Variants in KRABD1 observed in about 807,000 individuals in gnomAD.
KRABD1 encodes the protein KRAB domain containing 1, also known as KRAB domain-containing protein 1.
chr3:42,939,550 A>G, the KRABD1 span, among the ~76,000 whole-genome samples: 1 of 152,150 alleles, frequency 6.6e-6, no homozygotes, highest in Admixed American at 6.6e-5. Context: ...GTGGACATAG[A>G]TGCTTCTTTC....
At chr3:42,942,001 A>G in the KRABD1 span, 1 of 1,536,040 alleles carries the variant, frequency 6.5e-7, no homozygotes. Flanking sequence ...ATCTGGAGCA[A>G]GGGAAAGAGT....
chr3:42,942,594 G>C, the KRABD1 span: 18 of 1,451,350 alleles, frequency 1.2e-5, no homozygotes, highest in Non-Finnish European at 1.6e-5. Flanking sequence ...ACGTAGAATA[G>C]TATCAAAAAT....
At chr3:42,939,722 A>C in the KRABD1 span, among the ~76,000 whole-genome samples, 1 of 151,748 alleles carries the variant, frequency 6.6e-6, no homozygotes, top group Non-Finnish European at 1.5e-5. Context: ...ACTTGTTGTC[A>C]CTCGTTTGCA....
At chr3:42,939,056 G>A in the KRABD1 span, 3 of 647,292 alleles carry the variant, frequency 4.6e-6, no homozygotes, top group Admixed American at 2.7e-5. Context: ...TTATATATGT[G>A]TGTATGTGTA....
the KRABD1 span, chr3:42,938,925 G>A: frequency 6.5e-7 from 1 of 1,531,296 alleles, no homozygotes; most frequent in Non-Finnish European, 8.7e-7. Flanking sequence ...TAACAACCAG[G>A]CCCCAGGTGA....
At chr3:42,942,088 G>C in the KRABD1 span, 3 of 1,484,048 alleles carry the variant, frequency 2.0e-6, no homozygotes, top group South Asian at 1.2e-5. Flanking sequence ...TAAGCAAGAG[G>C]GTTCTTCTCC....
chr3:42,942,228 A>G, the KRABD1 span, among the ~76,000 whole-genome samples: 2 of 152,152 alleles, frequency 1.3e-5, no homozygotes, highest in Non-Finnish European at 2.9e-5. Context: ...ATAGCTTCCC[A>G]TCCCTTTAAA....
chr3:42,937,235 A>G, the KRABD1 span: 5 of 152,200 alleles, frequency 3.3e-5, no homozygotes, highest in Non-Finnish European at 7.3e-5. Context: ...TGTCCCTGCC[A>G]TTAGTCAACT....
the KRABD1 span, chr3:42,942,089 G>A: frequency 2.0e-6 from 3 of 1,477,790 alleles, no homozygotes; most frequent in Admixed American, 5.9e-5. Flanking sequence ...AAGCAAGAGG[G>A]TTCTTCTCCA....
the KRABD1 span, chr3:42,937,337 A>C: frequency 1.3e-5 from 2 of 152,064 alleles, no homozygotes; most frequent in Non-Finnish European, 2.9e-5. Context: ...TTCCATAGGG[A>C]GTGTTTTGTG....
the KRABD1 span, chr3:42,941,298 A>C: frequency 4.3e-4 from 694 of 1,599,388 alleles, 1 homozygote; most frequent in East Asian, 0.015. Flanking sequence ...GCCTGCCGAG[A>C]GGGCCTTGTA....
chr3:42,939,137 A>C, the KRABD1 span, among the ~76,000 whole-genome samples: 2 of 152,116 alleles, frequency 1.3e-5, no homozygotes, highest in Non-Finnish European at 2.9e-5. Flanking sequence ...ACTTTTTAGA[A>C]CTATGTACAC....
chr3:42,942,392 C>T, the KRABD1 span: 1 of 458,556 alleles, frequency 2.2e-6, no homozygotes, highest in Non-Finnish European at 3.9e-6. Context: ...AAACTTGGTG[C>T]AGTATTATCT....
the KRABD1 span, among the ~76,000 whole-genome samples, chr3:42,940,253 C>G: frequency 6.6e-6 from 1 of 152,120 alleles, no homozygotes; most frequent in Non-Finnish European, 1.5e-5. Context: ...CTGAATTGCT[C>G]TAGTTACTTT....
the KRABD1 span, chr3:42,938,858 AC>A: frequency 2.0e-6 from 3 of 1,490,548 alleles, no homozygotes; most frequent in African/African-American, 1.4e-5. Flanking sequence ...AGCACCTGAG[AC>A]TTTTACCTTT....
At chr3:42,941,289 C>T in the KRABD1 span, 2 of 1,596,742 alleles carry the variant, frequency 1.3e-6, no homozygotes, top group East Asian at 2.2e-5. Context: ...CATCATGGTG[C>T]CTGCCGAGAG....
chr3:42,937,312 C>G, the KRABD1 span: 2 of 152,166 alleles, frequency 1.3e-5, no homozygotes, highest in Non-Finnish European at 2.9e-5. Context: ...CTTAGCTTTC[C>G]CCATAGGAAG....
chr3:42,938,939 G>GT, the KRABD1 span: 5 of 1,529,384 alleles, frequency 3.3e-6, no homozygotes, highest in East Asian at 2.4e-5. Context: ...CAGGTGAGCT[G>GT]TTTTTTTCTA....
chr3:42,942,700 C>A, the KRABD1 span: 1 of 585,298 alleles, frequency 1.7e-6, no homozygotes, highest in Non-Finnish European at 2.8e-6. Context: ...GTAAGAGCCA[C>A]CTTAAACGAT....
Sources: gnomAD v4.1 joint callset for allele counts (sites outside exome capture counted in the v4.1 genomes callset) on GRCh38, gnomAD v4.1.1 for gene constraint, MANE v1.5 for transcripts, NCBI Gene and HGNC (gene_info 2026-07-23, HGNC 2026-07-21) for gene names.